Variants in DOCK9 observed in about 807,000 individuals in gnomAD.
The protein encoded by DOCK9 is dedicator of cytokinesis 9.
DOCK9 carries 89 observed loss-of-function variants against 263.3 expected under a neutral mutation model. The observed-to-expected ratio is 0.34, with a 90% CI of 0.28 to 0.40. DOCK9 has a LOEUF of 0.40. DOCK9 is among the 10% of genes least tolerant of loss of function. The probability of loss-of-function intolerance (pLI) is 1.00; values close to 1 mark genes in which losing one functional copy is unlikely to be tolerated. For missense variants in DOCK9, 2,140 were observed against 2,603.4 expected (o/e 0.82, Z 3.87); for synonymous variants, 976 against 973.1 (o/e 1.00, Z -0.06).
chr13:98,923,189 C>T, intron 5 of DOCK9, 113 bp downstream of exon 5: 1 of 956,944 alleles, frequency 1.0e-6, no homozygotes, highest in Non-Finnish European at 1.7e-6. Flanking sequence ...ATGTAACACT[C>T]CAATGCCTGT....
intron 36 of DOCK9, among the ~76,000 whole-genome samples, chr13:98,849,791 A>G (rs1158964970): frequency 1.3e-5 from 2 of 152,252 alleles, no homozygotes; most frequent in Non-Finnish European, 2.9e-5. Context: ...TATTTTATTA[A>G]GATGACTTAT....
chr13:98,913,607 A>G (rs988726192), intron 9 of DOCK9, among the ~76,000 whole-genome samples: 2 of 152,346 alleles, frequency 1.3e-5, no homozygotes, highest in Non-Finnish European at 2.9e-5. Context: ...TAAAGATATA[A>G]AAATGAAAGT....
intron 7 of DOCK9, among the ~76,000 whole-genome samples, chr13:98,916,561 A>T (rs578089265): frequency 3.0e-4 from 46 of 152,352 alleles, no homozygotes; most frequent in Admixed American, 1.6e-3. Context: ...ATTCTGCAGC[A>T]CAGTTCTTAG....
In DOCK9 at chr13:98,885,072, G is replaced by A. The variant is rs1049315867; in HGVS notation, c.2281C>T (p.Leu761Phe). 1 of 1,613,652 alleles carries A rather than the reference G, an allele frequency of 6.2e-7. No homozygotes were observed. The highest frequency in any genetic ancestry group is 8.5e-7 in the Non-Finnish European group (1 of 1,179,784). ...GTCACCACCCTTCCGTCTTTCAGGA[G>A]GGGAAGCCAGGAGTAGCCAACTGTT... is the stretch of plus-strand genomic sequence containing the variant. Reference protein sequence around the residue: ...ETQVGYSWLPLLKDGRVVTSE... With the variant: ...ETQVGYSWLPFLKDGRVVTSE... Residue 761 changes from leucine (L) to phenylalanine (F), a missense_variant, in exon 21 of 53, where the codon CTC becomes TTC. Physicochemically the swap from Leu to Phe is conservative, Grantham distance 22 (BLOSUM62 0). This residue lies in a region of DOCK9 where 1,521 missense variants were observed against 1,741.7 expected (regional missense o/e 0.87). Transcript: ENST00000682017.
At chr13:98,813,202 GATTT>G (rs1037693782) in intron 45 of DOCK9, among the ~76,000 whole-genome samples, 12 of 152,148 alleles carry the variant, frequency 7.9e-5, no homozygotes, top group African/African-American at 2.9e-4. Flanking sequence ...AATATGGAAA[GATTT>G]ATTTCTTTTT....
At chr13:98,991,719 A>G (rs1879851222) in intron 1 of DOCK9, among the ~76,000 whole-genome samples, 2 of 151,658 alleles carry the variant, frequency 1.3e-5, no homozygotes, top group Admixed American at 1.3e-4. Context: ...TTATATTTTT[A>G]GTGGAAAGTG....
Position 98,880,772 on chromosome 13 carries a change from A to G in DOCK9, c.2746-100T>C, listed in dbSNP as rs542298981. The G allele has an allele frequency of 3.4e-5, 49 of 1,446,212 alleles. No homozygotes were observed. In the Admixed American group the frequency reaches 6.0e-4, roughly 18 times the overall value. 89.6% of individuals were successfully genotyped at this position (1,446,212 alleles called of 1,614,324 possible). A position where few individuals can be genotyped will look rare whatever the true frequency, so the allele number is the denominator to read the frequency against. On this transcript the variant is annotated intron_variant, in intron 25 of 52. Transcript: ENST00000682017. ...AATGGAGATCAGGGACTGAGCTACA[A>G]TATCATTTGTGGGAGAGGAAGGTGT...
intron 22 of DOCK9, 51 bp downstream of exon 22, chr13:98,883,762 C>T (rs1009998386): frequency 3.3e-5 from 43 of 1,290,368 alleles, no homozygotes; most frequent in Non-Finnish European, 5.4e-6. Context: ...CAAAATGGTG[C>T]AAACTTTGTC....
At chr13:98,935,792 A>G (rs2054720394) in intron 2 of DOCK9, among the ~76,000 whole-genome samples, 1 of 152,042 alleles carries the variant, frequency 6.6e-6, no homozygotes, top group Non-Finnish European at 1.5e-5. Flanking sequence ...AAATAATAAT[A>G]AAAGAAAGGT....
rs117147634 is a variant in DOCK9 at position 99,016,732 on chromosome 13, A to G, written c.130-61181T>C. ...GAAAGGCTAACTATATAAAAAGACC[A>G]TGCTGCACATACAGGAAAACTTTTC... On this transcript the variant is annotated intron_variant, in intron 1 of 32. Coordinates refer to the DOCK9 transcript ENST00000427887. 4.9e-3 allele frequency among the ~76,000 whole-genome samples: 748 copies of G among 152,360 alleles called. 2 individuals are homozygous for G. Among genetic ancestry groups the G allele is most frequent in the Non-Finnish European group, 7.9e-3 (537 of 68,030 alleles).
Position 99,051,161 on chromosome 13 carries a change from G to A in DOCK9, c.129+35062C>T, listed in dbSNP as rs532928621. On this transcript the variant is annotated intron_variant, in intron 1 of 32. Transcript: ENST00000427887. ...CACCTGAAGCAATGGGGGAGGGAAG[G>A]GGAGGTAATAGTGGCCTTGAAAGGC... Among the ~76,000 whole-genome samples, 4 of 152,342 alleles carry A rather than the reference G, an allele frequency of 2.6e-5. No homozygotes were observed. The South Asian group carries it at 8.3e-4, about 32-fold the overall frequency.
chr13:98,935,440 G>A (rs144786391), intron 2 of DOCK9, among the ~76,000 whole-genome samples: 8 of 152,284 alleles, frequency 5.3e-5, no homozygotes, highest in Non-Finnish European at 1.0e-4. Context: ...TCCATGGCTG[G>A]AGGAATTCTG....
At chr13:99,075,423 G>A (rs2041870373) in intron 1 of DOCK9, among the ~76,000 whole-genome samples, 2 of 147,264 alleles carry the variant, frequency 1.4e-5, no homozygotes, top group African/African-American at 2.5e-5. Context: ...CTCAATCAGA[G>A]CTCACTGCAG....
intron 1 of DOCK9, among the ~76,000 whole-genome samples, chr13:99,070,760 C>T (rs1001822896): frequency 6.6e-6 from 1 of 152,222 alleles, no homozygotes; most frequent in Non-Finnish European, 1.5e-5. Context: ...TGCACTATAT[C>T]CTACTGCCAT....
chr13:99,052,268 C>T (rs1236855074), intron 1 of DOCK9, among the ~76,000 whole-genome samples: 1 of 152,204 alleles, frequency 6.6e-6, no homozygotes, highest in Non-Finnish European at 1.5e-5. Context: ...TGTGCTTCCA[C>T]AGAGACCCTC....
At chr13:98,994,173 T>C (rs995917947) in intron 1 of DOCK9, among the ~76,000 whole-genome samples, 3 of 152,196 alleles carry the variant, frequency 2.0e-5, no homozygotes, top group African/African-American at 7.2e-5. Flanking sequence ...TTGGCGTGAG[T>C]CCCAACAGAA....
At position 98,825,946 on chromosome 13, in the gene DOCK9, C is replaced by T; in HGVS notation, c.5023+884G>A. The stretch of plus-strand genomic sequence containing the variant: ...CGGCTCCCACTGGACTGCTTCTAAA[C>T]ATGAGGAAATGCATCACCTGATAAA... On this transcript the variant is annotated intron_variant, in intron 44 of 52. Coordinates refer to ENST00000682017, the MANE Select transcript of DOCK9 (RefSeq NM_001366683.2). The surrounding 1 kb of genome is among the most constrained non-coding windows in gnomAD (Gnocchi z 4.1). 6.5e-7 allele frequency: 1 copy of T among 1,538,510 alleles called. No individual in the cohort carries two copies. The highest frequency in any genetic ancestry group is 2.5e-5 in the East Asian group (1 of 40,348).
At chr13:99,077,706 T>C (rs561885689) in intron 1 of DOCK9, among the ~76,000 whole-genome samples, 25 of 152,208 alleles carry the variant, frequency 1.6e-4, no homozygotes, top group African/African-American at 6.0e-4. Context: ...TGCAGACACA[T>C]AGAAAGGACT....
At position 98,888,153 on chromosome 13, in the gene DOCK9, C is replaced by G; in HGVS notation, c.2043+5G>C. The stretch of plus-strand genomic sequence containing the variant: ...TAGGTGAACATATATTAAAAAAAAA[C>G]AAACCTTAAGGGGCTGAGAGTCTTC... On this transcript the variant is annotated splice_donor_5th_base_variant and intron_variant, in intron 18 of 52. Coordinates refer to ENST00000682017, the MANE Select transcript of DOCK9 (RefSeq NM_001366683.2). The G allele has an allele frequency of 6.3e-7, 1 of 1,576,916 alleles. No individual in the cohort carries two copies. Among genetic ancestry groups the G allele is most frequent in the Non-Finnish European group, 8.6e-7 (1 of 1,164,612 alleles).
Sources: allele counts gnomAD v4.1 joint callset (sites outside exome capture counted in the v4.1 genomes callset), GRCh38; gene constraint gnomAD v4.1.1; regional missense constraint gnomAD v4.1.1; non-coding constraint Gnocchi (gnomAD v3.1); transcripts MANE v1.5; gene names NCBI Gene and HGNC (gene_info 2026-07-23, HGNC 2026-07-21).